FAAH2: variants seen among roughly 807,000 people sequenced by gnomAD.
The protein encoded by FAAH2 is fatty acid amide hydrolase 2, also known as fatty-acid amide hydrolase 2.
Under a neutral mutation model 36.9 loss-of-function variants are expected in FAAH2, and 60 were observed. The ratio of observed to expected loss-of-function variants is 1.63; its 90% CI spans 1.32 to 2.02. The LOEUF (loss-of-function observed/expected upper bound fraction) is 2.02, where lower values mean the gene tolerates loss of function less well. FAAH2 is among the 30% of genes most tolerant of loss of function. FAAH2 has a pLI of 0.00. For missense variants in FAAH2, 689 were observed against 397.5 expected, an observed-to-expected ratio of 1.73 and a Z score of -6.23; for synonymous variants, 214 against 143.8, an observed-to-expected ratio of 1.49 and a Z score of -3.49.
At chrX:57,377,936 A>G (rs1007379936) in intron 5 of FAAH2, among the ~76,000 whole-genome samples, 5 of 110,629 alleles carry the variant, frequency 4.5e-5, no homozygotes, top group Non-Finnish European at 7.6e-5. Flanking sequence ...CATGATTTGG[A>G]TATCTATTAT....
the FAAH2 span, among the ~76,000 whole-genome samples, chrX:57,218,169 C>T: frequency 9.0e-6 from 1 of 111,727 alleles, no homozygotes; most frequent in African/African-American, 3.3e-5. Context: ...TTCCTCTTTA[C>T]TGATTTGGAT....
the FAAH2 span, among the ~76,000 whole-genome samples, chrX:57,271,368 G>A: frequency 8.9e-6 from 1 of 112,251 alleles, no homozygotes; most frequent in African/African-American, 3.2e-5. Context: ...CTGCCTGATG[G>A]CTCTGAAGAG....
chrX:57,165,593 T>C, the FAAH2 span, among the ~76,000 whole-genome samples: 13,554 of 110,487 alleles, frequency 0.12, 1,999 homozygotes, highest in African/African-American at 0.41. Flanking sequence ...TAATGCTAGA[T>C]GATGAGTTAG....
chrX:57,477,649 C>A (rs1235411942), intron 10 of FAAH2, among the ~76,000 whole-genome samples: 1 of 104,299 alleles, frequency 9.6e-6, no homozygotes, highest in African/African-American at 3.5e-5. Context: ...CTCCCCCAAC[C>A]CCACAACAGG....
chrX:57,381,043 A>C lies in FAAH2; in HGVS notation c.996+14A>C, dbSNP rs760734330. On this transcript the variant is annotated intron_variant, in intron 7 of 10. Transcript: ENST00000374900. ...ACTCAGAAAAAGGTAATTTTAAATA[A>C]AATTTGTTTAGGAATTATTTTTAGT... The C allele has an allele frequency of 1.3e-5, 15 of 1,114,570 alleles. No individual in the cohort carries two copies. The highest frequency in any genetic ancestry group is 1.8e-5 in the Non-Finnish European group (15 of 819,430). The allele number at this position is 1,114,570 out of a possible 1,213,427, so 91.9% of individuals were successfully genotyped here.
At chrX:57,292,730 A>T (rs1189313262) in intron 2 of FAAH2, 150 bp downstream of exon 2, 1 of 421,480 alleles carries the variant, frequency 2.4e-6, no homozygotes, top group East Asian at 4.2e-5. Context: ...TAATTTCAGT[A>T]TTTTGTCCTT....
the FAAH2 span, among the ~76,000 whole-genome samples, chrX:57,199,428 A>G: frequency 3.6e-5 from 4 of 110,870 alleles, no homozygotes; most frequent in African/African-American, 6.6e-5. Flanking sequence ...GCTTTATCCC[A>G]TTGTGGCCAG....
intron 3 of FAAH2, among the ~76,000 whole-genome samples, chrX:57,323,658 C>T (rs1345232801): frequency 2.8e-5 from 3 of 105,285 alleles, no homozygotes; most frequent in Non-Finnish European, 5.8e-5. Context: ...TGTTCATATC[C>T]TTCACCCACT....
At chrX:57,364,614 T>C (rs1164967616) in intron 5 of FAAH2, among the ~76,000 whole-genome samples, 1 of 109,830 alleles carries the variant, frequency 9.1e-6, no homozygotes, top group Non-Finnish European at 1.9e-5. Context: ...AGAGTCTCTC[T>C]TGCTTGTCTA....
chrX:57,206,401 C>T, the FAAH2 span, among the ~76,000 whole-genome samples: 1 of 111,763 alleles, frequency 8.9e-6, no homozygotes, highest in Admixed American at 9.5e-5. Flanking sequence ...TTATCAGGAG[C>T]TATAATTAAA....
chrX:57,132,094 A>G, the FAAH2 span, among the ~76,000 whole-genome samples: 1 of 112,458 alleles, frequency 8.9e-6, no homozygotes, highest in Admixed American at 9.4e-5. Context: ...AATTTTGAAC[A>G]AATCTACTGC....
intron 5 of FAAH2, among the ~76,000 whole-genome samples, chrX:57,355,993 G>T (rs751528886): frequency 9.0e-6 from 1 of 111,016 alleles, no homozygotes; most frequent in Admixed American, 9.6e-5. Context: ...TGTCATGAAG[G>T]AGGGTTGAAT....
chrX:57,433,795 A>G (rs1489606693), intron 8 of FAAH2, among the ~76,000 whole-genome samples: 7 of 112,055 alleles, frequency 6.2e-5, no homozygotes, highest in Admixed American at 1.9e-4. Flanking sequence ...ATTTCTTTTT[A>G]TACTATCTCT....
At chrX:57,344,196 T>C (rs191986017) in intron 5 of FAAH2, among the ~76,000 whole-genome samples, 90 of 110,742 alleles carry the variant, frequency 8.1e-4, no homozygotes, top group Non-Finnish European at 1.6e-3. Context: ...TAAATTACTT[T>C]GGAAAGTATG....
At chrX:57,157,046 C>A in the FAAH2 span, among the ~76,000 whole-genome samples, 2 of 112,441 alleles carry the variant, frequency 1.8e-5, no homozygotes, top group South Asian at 3.7e-4. Context: ...TGTACAGGAA[C>A]AAAATTCTGG....
chrX:57,171,333 A>G, the FAAH2 span, among the ~76,000 whole-genome samples: 7 of 111,937 alleles, frequency 6.3e-5, no homozygotes, highest in African/African-American at 1.9e-4. Context: ...AGCAATTTCC[A>G]TGTGATTTTC....
At position 57,431,969 on chromosome X, in the gene FAAH2, C is replaced by G; in HGVS notation, c.1048C>G (p.Leu350Val). The G allele has an allele frequency of 8.3e-7, 1 of 1,205,852 alleles. No homozygotes were observed. The highest frequency in any genetic ancestry group is 1.8e-5 in the South Asian group (1 of 56,604). ...ILGASVQHVKLKKMKYSFQLW... is the reference protein window; with the variant it reads ...ILGASVQHVKVKKMKYSFQLW... The stretch of plus-strand genomic sequence containing the variant: ...AGGAGCCTCAGTTCAACATGTTAAA[C>G]TGAAGAAAATGAAGTACTCTTTTCA... The change falls in exon 8 of 11, where the codon CTG becomes GTG. Residue 350 changes from leucine (L) to valine (V), a missense_variant. By Grantham distance (32) the Leu-to-Val change is conservative (BLOSUM62 1). Coordinates refer to ENST00000374900, the MANE Select transcript of FAAH2 (RefSeq NM_174912.4).
intron 7 of FAAH2, among the ~76,000 whole-genome samples, chrX:57,417,809 G>A (rs2055884996): frequency 8.9e-6 from 1 of 112,046 alleles, no homozygotes; most frequent in Non-Finnish European, 1.9e-5. Flanking sequence ...GAACTTTTAA[G>A]TCTGCTGAAG....
intron 10 of FAAH2, among the ~76,000 whole-genome samples, chrX:57,482,306 C>T (rs753323845): frequency 1.8e-5 from 2 of 111,254 alleles, no homozygotes; most frequent in African/African-American, 3.3e-5. Context: ...TGGGATATGA[C>T]AAAAATATGC....
Sources: gnomAD v4.1 joint callset for allele counts (sites outside exome capture counted in the v4.1 genomes callset) on GRCh38, gnomAD v4.1.1 for gene constraint, MANE v1.5 for transcripts, NCBI Gene and HGNC (gene_info 2026-07-23, HGNC 2026-07-21) for gene names.